Variants in THUMPD3 observed in about 807,000 individuals in gnomAD.
THUMPD3 encodes tRNA (guanine(6)-N(2))-methyltransferase THUMP3.
Under a neutral mutation model 54.5 loss-of-function variants are expected in THUMPD3, and 44 were observed. The observed-to-expected ratio is 0.81, with a 90% CI of 0.63 to 1.04. The LOEUF is 1.04. THUMPD3 is among the 50% of genes least tolerant of loss of function. The pLI is 0.00. For synonymous variants in THUMPD3, 196 were observed against 201.4 expected, an observed-to-expected ratio of 0.97 and a Z score of 0.23; for missense variants, 604 against 601.3, an observed-to-expected ratio of 1.00 and a Z score of -0.05.
Position 9,371,392 on chromosome 3 carries a change from G to A in THUMPD3, c.663G>A (p.Glu221=). 6.2e-7 allele frequency: 1 copy of A among 1,614,156 alleles called. No homozygotes were observed. The highest frequency in any genetic ancestry group is 8.5e-7 in the Non-Finnish European group (1 of 1,180,032). ...ATGAAAGCTCAAAAGAAGAAACTGAGCCTCAAGTGCTGAAGTTTAGAGTCA... is the reference window on the plus strand; with the variant it reads ...ATGAAAGCTCAAAAGAAGAAACTGAACCTCAAGTGCTGAAGTTTAGAGTCA... ...ETDESSKEET[E]PQVLKFRVTC... Residue 221 remains glutamate, a synonymous_variant, in exon 4 of 10, where the codon GAG becomes GAA. Transcript: ENST00000452837.
rs945070799 is a variant in THUMPD3 at position 9,385,945 on chromosome 3, G to A, written c.*1257G>A. On this transcript the variant is annotated 3_prime_UTR_variant, in exon 10 of 10. Coordinates refer to ENST00000452837, the MANE Select transcript of THUMPD3 (RefSeq NM_001114092.2). ...TTCCCTGGAACAAAGAGTAGTTGAG[G>A]TTTTTTTGTGGAACTCATCATAGTA... 2 of 152,136 alleles carry A rather than the reference G, an allele frequency of 1.3e-5. No homozygotes were observed. The highest frequency in any genetic ancestry group is 4.8e-5 in the African/African-American group (2 of 41,426). The allele number at this position is 152,136 out of a possible 1,614,324, so 9.4% of individuals were successfully genotyped here.
At chr3:9,373,224 GACAC>G (rs1349010196) in intron 4 of THUMPD3, among the ~76,000 whole-genome samples, 1 of 152,214 alleles carries the variant, frequency 6.6e-6, no homozygotes, top group Non-Finnish European at 1.5e-5. Context: ...TGGGTGTGGT[GACAC>G]ACACCTGTAA....
chr3:9,374,680 G>A (rs755836651), intron 5 of THUMPD3, 34 bp downstream of exon 5: 5 of 1,610,014 alleles, frequency 3.1e-6, no homozygotes, highest in Non-Finnish European at 4.2e-6. Context: ...AGCTTAAAGT[G>A]GCACCTTGGT....
chr3:9,363,937 T>A (rs1317965075), intron 1 of THUMPD3: 1 of 151,890 alleles, frequency 6.6e-6, no homozygotes, highest in Admixed American at 6.6e-5. Context: ...TTTTTTGTGT[T>A]TTTGGTAGAG....
At position 9,384,899 on chromosome 3, in the gene THUMPD3, A is replaced by G; in HGVS notation, c.*211A>G. The stretch of plus-strand genomic sequence containing the variant: ...AGTGGCTCACGACTGTAATTCCAGC[A>G]GTTTAGGAAGCCGAAGTGTGCAGAT... On this transcript the variant is annotated 3_prime_UTR_variant, in exon 10 of 10. Coordinates refer to ENST00000452837, the MANE Select transcript of THUMPD3 (RefSeq NM_001114092.2). 3.6e-6 allele frequency: 2 copies of G among 559,132 alleles called. No individual in the cohort carries two copies. The highest frequency in any genetic ancestry group is 6.5e-5 in the Admixed American group (2 of 30,880). 34.6% of individuals were successfully genotyped at this position (559,132 alleles called of 1,614,324 possible). A position where few individuals can be genotyped will look rare whatever the true frequency, so the allele number is the denominator to read the frequency against.
rs2032805966 is a variant in THUMPD3, at chr3:9,380,569, G to A, written c.1075G>A (p.Ala359Thr). 4 of 1,613,576 alleles carry A rather than the reference G, an allele frequency of 2.5e-6. No homozygotes were observed. In the African/African-American group the frequency reaches 4.0e-5, roughly 16 times the overall value. The change falls in exon 7 of 10, where the codon GCA (alanine) becomes ACA (threonine). Residue 359 changes from alanine (A) to threonine (T), a missense_variant. By Grantham distance (58) the Ala-to-Thr change is moderately conservative. Transcript: ENST00000452837. Reference sequence around the variant, plus strand: ...TAATAATCCACTGGCTGTGAATAGAGCAGCAAATAACATTGCATCTTTATT... The same window carrying A: ...TAATAATCCACTGGCTGTGAATAGAACAGCAAATAACATTGCATCTTTATT... ...GDNNPLAVNR[A>T]ANNIASLLTK...
intron 7 of THUMPD3, among the ~76,000 whole-genome samples, chr3:9,381,992 C>T (rs956282292): frequency 6.6e-6 from 1 of 151,502 alleles, no homozygotes; most frequent in East Asian, 1.9e-4. Context: ...ACCATGTTAG[C>T]CAGGATGGTC....
In THUMPD3 at chr3:9,368,360, A is replaced by ATT. The variant is rs764732133; in HGVS notation, c.330+1394_330+1395dup. ...CCATTCCCCACCTCCACCCGCGCAT[A>ATT]TTTTTTTTTTTTTTTTTTTTGAGAC... On this transcript the variant is annotated intron_variant, in intron 3 of 9. Coordinates refer to ENST00000452837, the MANE Select transcript of THUMPD3 (RefSeq NM_001114092.2). Among the ~76,000 whole-genome samples the ATT allele has an allele frequency of 4.9e-3, 578 of 116,882 alleles. 8 individuals are homozygous for ATT. The highest frequency in any genetic ancestry group is 0.015 in the Middle Eastern group (3 of 196). The allele number at this position is 116,882 out of a possible 152,430, so 76.7% of individuals were successfully genotyped here. A position where few individuals can be genotyped will look rare whatever the true frequency, so the allele number is the denominator to read the frequency against.
chr3:9,365,320 G>T lies in THUMPD3; in HGVS notation c.252G>T (p.Gln84His). 1 of 1,614,066 alleles carries T rather than the reference G, an allele frequency of 6.2e-7. No individual in the cohort carries two copies. Among genetic ancestry groups the T allele is most frequent in the South Asian group, 1.1e-5 (1 of 91,046 alleles). The stretch of plus-strand genomic sequence containing the variant: ...TCATTTCAGTGGAAAGTCTGGCACA[G>T]GTTTGAATGGAGCAATATTTAAAAT... ...YFVISVESLA[Q>H]VHCLRSVDNL... Residue 84 changes from glutamine to histidine, a missense_variant and splice_region_variant, in exon 2 of 10, where the codon CAG becomes CAT. Gln to His is a conservative substitution (Grantham distance 24). Coordinates refer to ENST00000452837, the MANE Select transcript of THUMPD3 (RefSeq NM_001114092.2).
chr3:9,365,883 C>T (rs1198529806), intron 2 of THUMPD3, among the ~76,000 whole-genome samples: 1 of 151,990 alleles, frequency 6.6e-6, no homozygotes, highest in African/African-American at 2.4e-5. Flanking sequence ...AGCCACTGCG[C>T]TCGGCCTGCC....
rs1055151538 is a variant in THUMPD3, at chr3:9,377,806, T to C, written c.939-13T>C. The C allele has an allele frequency of 6.8e-6, 11 of 1,612,194 alleles. No individual in the cohort carries two copies. Among genetic ancestry groups the C allele is most frequent in the Non-Finnish European group, 9.3e-6 (11 of 1,178,546 alleles). The stretch of plus-strand genomic sequence containing the variant: ...TGAGTGAGTCTTCACATAGGCTGTT[T>C]TCTTTTCTCTAGGCTCTGTGATCCT... On this transcript the variant is annotated splice_polypyrimidine_tract_variant and intron_variant, in intron 5 of 9. Transcript: ENST00000452837.
At chr3:9,379,399 A>T (rs1280107740) in intron 6 of THUMPD3, among the ~76,000 whole-genome samples, 1 of 152,196 alleles carries the variant, frequency 6.6e-6, no homozygotes, top group Non-Finnish European at 1.5e-5. Flanking sequence ...AGAAAAAGTT[A>T]TGAAACACTG....
rs189836097 is a variant in THUMPD3 at position 9,363,072 on chromosome 3, C to T, written c.-109C>T. The stretch of plus-strand genomic sequence containing the variant: ...CGGGGGCGGCTTCCGGCGGCGTGAC[C>T]TGACCGCAAGAGGCCAATGGAGTGT... On this transcript the variant is annotated 5_prime_UTR_variant, in exon 1 of 10. Transcript: ENST00000452837. The T allele has an allele frequency of 5.9e-5, 9 of 152,460 alleles. No homozygotes were observed. The East Asian group carries it at 1.7e-3, about 29-fold the overall frequency. The allele number at this position is 152,460 out of a possible 1,614,324, so 9.4% of individuals were successfully genotyped here.
rs764732133 is a variant in THUMPD3 at position 9,368,360 on chromosome 3, AT to A, written c.330+1395del. Among the ~76,000 whole-genome samples the A allele has an allele frequency of 2.6e-3, 299 of 116,902 alleles. 4 individuals are homozygous for A. Among genetic ancestry groups the A allele is most frequent in the African/African-American group, 7.4e-3 (228 of 30,674 alleles). The allele number at this position is 116,902 out of a possible 152,430, so 76.7% of individuals were successfully genotyped here. ...CCATTCCCCACCTCCACCCGCGCAT[AT>A]TTTTTTTTTTTTTTTTTTTGAGACA... On this transcript the variant is annotated intron_variant, in intron 3 of 9. Transcript: ENST00000452837.
At chr3:9,363,787 T>C (rs1292029577) in intron 1 of THUMPD3, 6 of 150,084 alleles carry the variant, frequency 4.0e-5, no homozygotes, top group Non-Finnish European at 8.8e-5. Context: ...CAGTTAACCA[T>C]TTTTATTTTT....
chr3:9,380,392 A>G, intron 6 of THUMPD3, 111 bp from the exon 7 acceptor site: 1 of 690,524 alleles, frequency 1.4e-6, no homozygotes. Flanking sequence ...AGTTGACAAC[A>G]TGCAATGTTT....
chr3:9,384,431 T>TC (rs1178674093), intron 9 of THUMPD3, 93 bp from the exon 10 acceptor site: 2 of 1,595,716 alleles, frequency 1.3e-6, no homozygotes, highest in Non-Finnish European at 1.7e-6. Context: ...TGTTTTCTCT[T>TC]CCCCTGAGGT....
chr3:9,381,091 C>T (rs905080398), intron 7 of THUMPD3, among the ~76,000 whole-genome samples: 1 of 152,004 alleles, frequency 6.6e-6, no homozygotes, highest in Non-Finnish European at 1.5e-5. Context: ...GCCACCATGC[C>T]CAGCTAATTT....
chr3:9,380,729 G>T, intron 7 of THUMPD3, 111 bp downstream of exon 7: 1 of 630,610 alleles, frequency 1.6e-6, no homozygotes, highest in Non-Finnish European at 2.7e-6. Flanking sequence ...TAACCAAAAT[G>T]AATATACTAT....
Sources: gnomAD v4.1 joint callset for allele counts (sites outside exome capture counted in the v4.1 genomes callset) on GRCh38, gnomAD v4.1.1 for gene constraint, MANE v1.5 for transcripts, NCBI Gene and HGNC (gene_info 2026-07-23, HGNC 2026-07-21) for gene names.